IGSF10: variants seen among roughly 807,000 people sequenced by gnomAD.
The protein encoded by IGSF10 is immunoglobulin superfamily member 10.
IGSF10 carries 126 observed loss-of-function variants against 128.2 expected under a neutral mutation model. The ratio of observed to expected loss-of-function variants is 0.98; its 90% CI spans 0.85 to 1.14. IGSF10 has a LOEUF of 1.14. Among genes scored for constraint, IGSF10 ranks in the 50% most tolerant of loss-of-function variants. The probability of loss-of-function intolerance (pLI) is 0.00; values close to 1 mark genes in which losing one functional copy is unlikely to be tolerated. For synonymous variants in IGSF10, 1,185 were observed against 1,146.2 expected, an observed-to-expected ratio of 1.03 and a Z score of -0.68; for missense variants, 3,295 against 3,149.8, an observed-to-expected ratio of 1.05 and a Z score of -1.10.
the IGSF10 span, among the ~76,000 whole-genome samples, chr3:151,515,739 G>A: frequency 1.3e-5 from 2 of 150,174 alleles, no homozygotes; most frequent in Admixed American, 1.3e-4. Flanking sequence ...GTGTGTGTGT[G>A]TGTGTGTGTG....
the IGSF10 span, among the ~76,000 whole-genome samples, chr3:151,554,914 T>G: frequency 6.6e-6 from 1 of 152,168 alleles, no homozygotes; most frequent in Non-Finnish European, 1.5e-5. Context: ...TGGTTTCCAT[T>G]TTAACCACTA....
At chr3:151,555,205 T>C in the IGSF10 span, among the ~76,000 whole-genome samples, 1 of 151,978 alleles carries the variant, frequency 6.6e-6, no homozygotes. Flanking sequence ...AAACGAAAAA[T>C]GTATTTAAAT....
chr3:151,590,031 A>T, the IGSF10 span, among the ~76,000 whole-genome samples: 3 of 151,884 alleles, frequency 2.0e-5, no homozygotes, highest in Admixed American at 2.0e-4. Flanking sequence ...CAAGTTGGGT[A>T]TTTTTTTATT....
downstream of IGSF10, chr3:151,435,752 AAT>A: frequency 2.0e-5 from 3 of 152,320 alleles, no homozygotes; most frequent in Middle Eastern, 6.8e-3. Context: ...TTAAGCATGT[AAT>A]ATAAATTCAG....
chr3:151,535,466 AG>A, the IGSF10 span, among the ~76,000 whole-genome samples: 1 of 152,160 alleles, frequency 6.6e-6, no homozygotes, highest in Admixed American at 6.5e-5. Flanking sequence ...GAAGGGGAAA[AG>A]GTTGAAAATC....
At chr3:151,619,464 GTGT>G in the IGSF10 span, among the ~76,000 whole-genome samples, 1 of 151,466 alleles carries the variant, frequency 6.6e-6, no homozygotes. Context: ...GTGTGTGTGT[GTGT>G]GTGTGTATGT....
chr3:151,515,090 C>T, the IGSF10 span, among the ~76,000 whole-genome samples: 1 of 152,060 alleles, frequency 6.6e-6, no homozygotes, highest in Non-Finnish European at 1.5e-5. Flanking sequence ...ACTAGAAATA[C>T]CATTTGACCC....
the IGSF10 span, among the ~76,000 whole-genome samples, chr3:151,531,511 G>C: frequency 1.3e-5 from 2 of 152,288 alleles, no homozygotes; most frequent in East Asian, 3.9e-4. Flanking sequence ...GATCAAATTA[G>C]AACTCAGGAT....
the IGSF10 span, among the ~76,000 whole-genome samples, chr3:151,536,072 A>C: frequency 1.3e-5 from 2 of 152,144 alleles, no homozygotes; most frequent in Admixed American, 6.6e-5. Flanking sequence ...CCTAGCTGCC[A>C]CTGTGTCCTG....
At chr3:151,556,962 C>A in the IGSF10 span, among the ~76,000 whole-genome samples, 2 of 152,002 alleles carry the variant, frequency 1.3e-5, no homozygotes, top group African/African-American at 2.4e-5. Context: ...GTGGGAATTT[C>A]GGTTTGTGAG....
At chr3:151,508,288 G>T in the IGSF10 span, among the ~76,000 whole-genome samples, 1 of 152,166 alleles carries the variant, frequency 6.6e-6, no homozygotes, top group African/African-American at 2.4e-5. Context: ...AAAATGAAAG[G>T]TTTATGGAAA....
the IGSF10 span, among the ~76,000 whole-genome samples, chr3:151,546,791 C>T: frequency 1.3e-5 from 2 of 151,762 alleles, no homozygotes; most frequent in African/African-American, 2.4e-5. Flanking sequence ...TTTTTTGAGA[C>T]GAAGTTTTTG....
In IGSF10 at chr3:151,447,744, G is replaced by C. The variant is rs35667704; in HGVS notation, c.2237C>G (p.Pro746Arg). 13,243 of 1,614,146 alleles carry C rather than the reference G, an allele frequency of 8.2e-3. 86 individuals are homozygous for C. The highest frequency in any genetic ancestry group is 9.6e-3 in the Non-Finnish European group (11,358 of 1,180,018). ...TTGTGGGTCAATTCTCCTAGCAGAG[G>C]GAGGGAAATGCCTCCTATTCTCCCT... ...RFRENRRHFP[P>R]SARRIDPQHW... Residue 746 changes from proline to arginine, a missense_variant, in exon 6 of 8, where the codon CCC becomes CGC. Transcript: ENST00000282466.
chr3:151,496,308 A>G, the IGSF10 span, among the ~76,000 whole-genome samples: 1 of 150,404 alleles, frequency 6.6e-6, no homozygotes, highest in African/African-American at 2.4e-5. Context: ...TTAACTTGTC[A>G]TTTAACATTA....
the IGSF10 span, among the ~76,000 whole-genome samples, chr3:151,486,701 GAATGACTACTC>G: frequency 6.6e-6 from 1 of 152,062 alleles, no homozygotes; most frequent in Admixed American, 6.6e-5. Flanking sequence ...ACAACCTCCT[GAATGACTACTC>G]AATGAAATAA....
chr3:151,582,562 T>C, the IGSF10 span, among the ~76,000 whole-genome samples: 1 of 152,188 alleles, frequency 6.6e-6, no homozygotes, highest in Non-Finnish European at 1.5e-5. Flanking sequence ...ATTTATGCTA[T>C]TGTATTTAGC....
the IGSF10 span, among the ~76,000 whole-genome samples, chr3:151,614,969 A>G: frequency 3.3e-5 from 5 of 152,012 alleles, no homozygotes; most frequent in African/African-American, 1.2e-4. Flanking sequence ...ACTAAAAGCA[A>G]TGACAGCTAT....
At chr3:151,566,525 T>C in the IGSF10 span, among the ~76,000 whole-genome samples, 2 of 152,172 alleles carry the variant, frequency 1.3e-5, no homozygotes, top group Non-Finnish European at 2.9e-5. Context: ...CCCAGGCTGA[T>C]AGAATAGTCG....
rs1423096193 is a variant in IGSF10 at position 151,445,270 on chromosome 3, C to A, written c.4711G>T (p.Ala1571Ser). 1 of 1,614,174 alleles carries A rather than the reference C, an allele frequency of 6.2e-7. No homozygotes were observed. The highest frequency in any genetic ancestry group is 8.5e-7 in the Non-Finnish European group (1 of 1,180,040). The change falls in exon 6 of 8, where the codon GCA becomes TCA. Residue 1571 changes from alanine to serine, a missense_variant. Transcript: ENST00000282466. ...QNSKLTPSPW[A>S]ENQFWHKPYS... is the part of the protein sequence containing the mutation. ...GGTTTGTGCCAAAATTGGTTTTCTG[C>A]CCAGGGAGATGGAGTTAATTTAGAA...
Sources: allele counts gnomAD v4.1 joint callset (sites outside exome capture counted in the v4.1 genomes callset), GRCh38; gene constraint gnomAD v4.1.1; transcripts MANE v1.5; gene names NCBI Gene and HGNC (gene_info 2026-07-23, HGNC 2026-07-21).